The following UBE2E3 variants were observed in gnomAD, a reference collection of about 807,000 sequenced individuals.
The protein encoded by UBE2E3 is ubiquitin conjugating enzyme E2 E3, also known as ubiquitin-conjugating enzyme E2 E3.
A neutral mutation model predicts 23.6 loss-of-function variants in UBE2E3; 5 were observed. The ratio of observed to expected loss-of-function variants is 0.21; its 90% CI spans 0.11 to 0.44. The LOEUF is 0.44. Among genes scored for constraint, UBE2E3 ranks in the 20% least tolerant of loss-of-function variants. UBE2E3 has a pLI of 0.99. For missense variants in UBE2E3, 81 were observed against 249.8 expected (o/e 0.32, Z 4.55); for synonymous variants, 78 against 87.5 (o/e 0.89, Z 0.60).
At chr2:180,986,916 G>T (rs1684488479) in intron 3 of UBE2E3, among the ~76,000 whole-genome samples, 1 of 152,054 alleles carries the variant, frequency 6.6e-6, no homozygotes, top group Non-Finnish European at 1.5e-5. Context: ...TTTAATTAAT[G>T]AAATATTCTT....
chr2:181,056,187 TAA>T (rs1686983737), intron 3 of UBE2E3, among the ~76,000 whole-genome samples: 1 of 151,498 alleles, frequency 6.6e-6, no homozygotes, highest in Admixed American at 6.6e-5. Flanking sequence ...TCAAAATAAT[TAA>T]AGTCAGTAAT....
intron 3 of UBE2E3, among the ~76,000 whole-genome samples, chr2:181,022,929 T>G (rs1249058340): frequency 6.6e-6 from 1 of 152,226 alleles, no homozygotes; most frequent in East Asian, 1.9e-4. Flanking sequence ...TGGGGCTATG[T>G]CCTGATAAGC....
In UBE2E3 at chr2:181,022,217, A is replaced by G. The variant is rs114890934; in HGVS notation, c.246-35476A>G. ...TTTTATGAATGTTAATAGTTATTTT[A>G]TAGGAAATGTAACCTTTTTGGTTAG... On this transcript the variant is annotated intron_variant, in intron 3 of 5. Coordinates refer to ENST00000410062, the MANE Select transcript of UBE2E3 (RefSeq NM_006357.4). Among the ~76,000 whole-genome samples, 564 of 152,280 alleles carry G rather than the reference A, an allele frequency of 3.7e-3. 2 individuals are homozygous for G. Among genetic ancestry groups the G allele is most frequent in the Non-Finnish European group, 7.0e-3 (475 of 68,008 alleles).
intron 3 of UBE2E3, among the ~76,000 whole-genome samples, chr2:180,993,107 T>A (rs558246807): frequency 6.6e-6 from 1 of 152,348 alleles, no homozygotes; most frequent in African/African-American, 2.4e-5. Context: ...TCTATCAGTT[T>A]TATAAGGGTG....
intron 3 of UBE2E3, among the ~76,000 whole-genome samples, chr2:181,030,289 T>C: frequency 6.6e-6 from 1 of 152,136 alleles, no homozygotes; most frequent in Middle Eastern, 3.4e-3. Context: ...ATAAATTGAA[T>C]ATGTATATTT....
At chr2:181,017,790 C>T (rs1273314230) in intron 3 of UBE2E3, among the ~76,000 whole-genome samples, 1 of 148,104 alleles carries the variant, frequency 6.8e-6, no homozygotes, top group East Asian at 2.0e-4. Flanking sequence ...CCTTGTCTTT[C>T]AGCTCCGAAC....
chr2:181,010,996 A>C (rs1426041828), intron 3 of UBE2E3, among the ~76,000 whole-genome samples: 2 of 152,128 alleles, frequency 1.3e-5, no homozygotes, highest in African/African-American at 4.8e-5. Context: ...ATCATACAAC[A>C]GCCAGAGCTT....
chr2:181,030,813 A>G (rs55953200), intron 3 of UBE2E3, among the ~76,000 whole-genome samples: 3,317 of 152,188 alleles, frequency 0.022, 57 homozygotes, highest in Non-Finnish European at 0.033. Flanking sequence ...TCTAGGAATT[A>G]GAGCATTTAT....
chr2:181,050,071 G>T (rs1208228727), intron 3 of UBE2E3, among the ~76,000 whole-genome samples: 1 of 151,968 alleles, frequency 6.6e-6, no homozygotes, highest in African/African-American at 2.4e-5. Flanking sequence ...AGTAATTTAT[G>T]TAAAAGATGT....
chr2:181,047,551 G>T (rs1686707293), intron 3 of UBE2E3, among the ~76,000 whole-genome samples: 1 of 152,036 alleles, frequency 6.6e-6, no homozygotes. Context: ...AGTCATAGCA[G>T]TCTGAAAACT....
chr2:181,048,013 A>G (rs751904638), intron 3 of UBE2E3, among the ~76,000 whole-genome samples: 3 of 152,016 alleles, frequency 2.0e-5, no homozygotes, highest in Non-Finnish European at 2.9e-5. Context: ...AGGCCCTGCT[A>G]CTTGTTCCTG....
chr2:181,062,051 A>G (rs1263017784), intron 5 of UBE2E3, among the ~76,000 whole-genome samples: 1 of 151,714 alleles, frequency 6.6e-6, no homozygotes, highest in Non-Finnish European at 1.5e-5. Context: ...ATACATATAC[A>G]CAACATAATA....
At chr2:180,992,551 A>G (rs756288665) in intron 3 of UBE2E3, among the ~76,000 whole-genome samples, 1 of 152,158 alleles carries the variant, frequency 6.6e-6, no homozygotes, top group African/African-American at 2.4e-5. Flanking sequence ...GTGTTGACTT[A>G]TATCTGTGTA....
chr2:181,027,706 C>T (rs1685940427), intron 3 of UBE2E3, among the ~76,000 whole-genome samples: 2 of 151,874 alleles, frequency 1.3e-5, no homozygotes, highest in South Asian at 4.1e-4. Flanking sequence ...CCCAAATTCT[C>T]TCCTAGTGTC....
chr2:180,981,830 C>G (rs1684302363), intron 1 of UBE2E3, among the ~76,000 whole-genome samples, 188 bp from the exon 2 acceptor site: 1 of 152,166 alleles, frequency 6.6e-6, no homozygotes. Flanking sequence ...TTCGGCAAAT[C>G]CCTTAACGCT....
At chr2:181,009,447 AAAGT>A (rs747598571) in intron 3 of UBE2E3, among the ~76,000 whole-genome samples, 15 of 152,126 alleles carry the variant, frequency 9.9e-5, no homozygotes, top group Non-Finnish European at 1.9e-4. Context: ...AACCAGAAAC[AAAGT>A]AAGATGGAAG....
At chr2:181,021,562 T>TCCTTCCTCCCTCCCTTCCTTCCTC (rs1685682132) in intron 3 of UBE2E3, among the ~76,000 whole-genome samples, 1 of 35,334 alleles carries the variant, frequency 2.8e-5, no homozygotes, top group African/African-American at 1.2e-4. Context: ...CTCCCTTCCT[T>TCCTTCCTCCCTCCCTTCCTTCCTC]CCTTCCTTCC....
chr2:181,062,550 C>T (rs1687191084), intron 5 of UBE2E3, among the ~76,000 whole-genome samples: 1 of 149,596 alleles, frequency 6.7e-6, no homozygotes, highest in South Asian at 2.1e-4. Context: ...TTATAAAAGT[C>T]AAATCTAACT....
intron 3 of UBE2E3, among the ~76,000 whole-genome samples, chr2:180,992,756 G>A (rs1181011147): frequency 1.3e-5 from 2 of 152,122 alleles, no homozygotes; most frequent in Non-Finnish European, 1.5e-5. Context: ...CTGCCTCCCG[G>A]GTTCAAGCAA....
Sources: allele counts gnomAD v4.1 joint callset (sites outside exome capture counted in the v4.1 genomes callset), GRCh38; gene constraint gnomAD v4.1.1; transcripts MANE v1.5; gene names NCBI Gene and HGNC (gene_info 2026-07-23, HGNC 2026-07-21).